Variants in FGD4 observed in about 807,000 individuals in gnomAD.
FGD4 encodes FYVE, RhoGEF and PH domain containing 4.
In FGD4, 42 loss-of-function variants were observed where a neutral mutation model predicts 102.0. The observed-to-expected ratio is 0.41, with a 90% CI of 0.32 to 0.53. FGD4 has a LOEUF of 0.53. FGD4 is among the 20% of genes least tolerant of loss of function. The pLI is 0.21. For synonymous variants in FGD4, 380 were observed against 375.7 expected (o/e 1.01, Z -0.13); for missense variants, 902 against 1,078.2 (o/e 0.84, Z 2.29).
intron 1 of FGD4, among the ~76,000 whole-genome samples, chr12:32,537,155 A>G (rs984189455): frequency 1.3e-5 from 2 of 151,878 alleles, no homozygotes; most frequent in Non-Finnish European, 2.9e-5. Flanking sequence ...TTATCCGCCC[A>G]CCTCGGCCTC....
chr12:32,453,501 TGG>T (rs1942868179), intron 1 of FGD4, among the ~76,000 whole-genome samples: 1 of 151,852 alleles, frequency 6.6e-6, no homozygotes, highest in Non-Finnish European at 1.5e-5. Context: ...CCCAAAGTGC[TGG>T]GATTACAGGT....
intron 1 of FGD4, among the ~76,000 whole-genome samples, chr12:32,494,954 T>A (rs1937704758): frequency 6.6e-6 from 1 of 152,200 alleles, no homozygotes; most frequent in Non-Finnish European, 1.5e-5. Context: ...TTGACAGTAA[T>A]GTGAGTGGAG....
At chr12:32,584,389 C>A (rs1946843125) in intron 4 of FGD4, among the ~76,000 whole-genome samples, 1 of 152,204 alleles carries the variant, frequency 6.6e-6, no homozygotes, top group South Asian at 2.1e-4. Context: ...GTATATTTTA[C>A]CACAATTAAG....
chr12:32,624,503 T>C, intron 12 of FGD4, 51 bp downstream of exon 12: 1 of 1,422,258 alleles, frequency 7.0e-7, no homozygotes, highest in Admixed American at 1.9e-5. Flanking sequence ...TGAGGCAGAG[T>C]CTCACTCTCA....
Position 32,561,070 on chromosome 12 carries a change from G to GTTTTTTTTTTTTTTTTTTTTTTTT in FGD4, c.167-3063_167-3062insTTTTTTTTTTTTTTTTTTTTTTTT, listed in dbSNP as rs1267043755. Among the ~76,000 whole-genome samples, 12 of 90,788 alleles carry GTTTTTTTTTTTTTTTTTTTTTTTT rather than the reference G, an allele frequency of 1.3e-4. 4 individuals carry two copies. Among genetic ancestry groups the GTTTTTTTTTTTTTTTTTTTTTTTT allele is most frequent in the Non-Finnish European group, 2.6e-4 (12 of 46,058 alleles). The allele number at this position is 90,788 out of a possible 152,430, so 59.6% of individuals were successfully genotyped here. On this transcript the variant is annotated intron_variant, in intron 1 of 16. Transcript: ENST00000534526. ...AGCAGAAATGTGGTTTCTTTGTTGGGTTTTGTTTTTTTTTTTTTTTTTTTT... is the reference window on the plus strand; with the variant it reads ...AGCAGAAATGTGGTTTCTTTGTTGGGTTTTTTTTTTTTTTTTTTTTTTTTTTTTGTTTTTTTTTTTTTTTTTTTT...
At chr12:32,555,729 G>A (rs539321776) in intron 1 of FGD4, among the ~76,000 whole-genome samples, 77 of 151,902 alleles carry the variant, frequency 5.1e-4, no homozygotes, top group African/African-American at 1.8e-3. Context: ...CCACCACCAC[G>A]CCCGGCTAAT....
intron 1 of FGD4, among the ~76,000 whole-genome samples, chr12:32,401,774 G>A (rs1591831909): frequency 2.1e-5 from 3 of 143,058 alleles, no homozygotes; most frequent in African/African-American, 8.0e-5. Context: ...TGTCCCGCAG[G>A]CTGGAGTGCA....
At chr12:32,512,537 C>T (rs1475432471) in intron 1 of FGD4, among the ~76,000 whole-genome samples, 1 of 152,074 alleles carries the variant, frequency 6.6e-6, no homozygotes, top group Admixed American at 6.6e-5. Context: ...TTGGGACTCA[C>T]ACGCCAAGCC....
chr12:32,444,485 A>G (rs936969860), intron 1 of FGD4, among the ~76,000 whole-genome samples: 3 of 151,952 alleles, frequency 2.0e-5, no homozygotes, highest in East Asian at 1.9e-4. Context: ...GCTCACCACA[A>G]TCTCCGTCTC....
At chr12:32,525,463 T>C (rs1354237435) in intron 1 of FGD4, among the ~76,000 whole-genome samples, 3 of 152,358 alleles carry the variant, frequency 2.0e-5, no homozygotes, top group African/African-American at 2.4e-5. Context: ...TGGCCTATGT[T>C]GATGTGTAGC....
intron 1 of FGD4, among the ~76,000 whole-genome samples, chr12:32,536,334 C>G (rs1942257990): frequency 6.6e-6 from 1 of 152,122 alleles, no homozygotes; most frequent in Admixed American, 6.6e-5. Flanking sequence ...CTAGAATAGA[C>G]TTGAGGAGGT....
chr12:32,462,955 G>T (rs1287560224), intron 1 of FGD4, among the ~76,000 whole-genome samples: 2 of 152,188 alleles, frequency 1.3e-5, no homozygotes, highest in Non-Finnish European at 2.9e-5. Context: ...TTTTGTGGGG[G>T]GATTTTAAGC....
At chr12:32,457,750 A>G (rs1372395861) in intron 1 of FGD4, among the ~76,000 whole-genome samples, 3 of 152,174 alleles carry the variant, frequency 2.0e-5, no homozygotes, top group Middle Eastern at 3.2e-3. Flanking sequence ...TTACATGGTT[A>G]TTTGTGCCTG....
At chr12:32,542,741 T>C (rs956006745) in intron 1 of FGD4, among the ~76,000 whole-genome samples, 9 of 152,214 alleles carry the variant, frequency 5.9e-5, no homozygotes, top group African/African-American at 2.2e-4. Flanking sequence ...AATAAAAATT[T>C]TGATTTCATT....
chr12:32,566,779 C>G (rs1190583968), intron 2 of FGD4, among the ~76,000 whole-genome samples: 1 of 152,110 alleles, frequency 6.6e-6, no homozygotes, highest in African/African-American at 2.4e-5. Flanking sequence ...TAATAGGGAC[C>G]TACTGCATGG....
At chr12:32,587,934 A>AT (rs1303042909) in intron 4 of FGD4, among the ~76,000 whole-genome samples, 16 of 152,228 alleles carry the variant, frequency 1.1e-4, no homozygotes, top group Admixed American at 1.0e-3. Flanking sequence ...AGGATGGTGC[A>AT]TGAGGGTGTG....
chr12:32,528,150 T>G (rs1285813416), intron 1 of FGD4, among the ~76,000 whole-genome samples: 1 of 152,006 alleles, frequency 6.6e-6, no homozygotes, highest in Non-Finnish European at 1.5e-5. Context: ...TTGTCCAGCC[T>G]GGTCTCAAAC....
intron 14 of FGD4, among the ~76,000 whole-genome samples, chr12:32,631,291 C>A (rs1950485895): frequency 6.6e-6 from 1 of 152,078 alleles, no homozygotes; most frequent in South Asian, 2.1e-4. Context: ...CCTTGTAAAC[C>A]AAGTTAAAGA....
At chr12:32,461,094 TA>T (rs1297765601) in intron 1 of FGD4, among the ~76,000 whole-genome samples, 4 of 152,230 alleles carry the variant, frequency 2.6e-5, no homozygotes, top group Non-Finnish European at 5.9e-5. Context: ...CTGTGGTCCA[TA>T]ACTTATTCAT....
Sources: gnomAD v4.1 joint callset for allele counts (sites outside exome capture counted in the v4.1 genomes callset) on GRCh38, gnomAD v4.1.1 for gene constraint, MANE v1.5 for transcripts, NCBI Gene and HGNC (gene_info 2026-07-23, HGNC 2026-07-21) for gene names.